PCDHA8: variants seen among roughly 807,000 people sequenced by gnomAD.
The protein encoded by PCDHA8 is protocadherin alpha-8.
PCDHA8 carries 53 observed loss-of-function variants against 61.8 expected under a neutral mutation model. The ratio of observed to expected loss-of-function variants is 0.86; its 90% CI spans 0.69 to 1.08. PCDHA8 has a LOEUF of 1.08. Among genes scored for constraint, PCDHA8 ranks in the 50% least tolerant of loss-of-function variants. The pLI is 0.00. For synonymous variants in PCDHA8, 618 were observed against 556.6 expected (o/e 1.11, Z -1.55); for missense variants, 1,293 against 1,245.0 (o/e 1.04, Z -0.58).
In PCDHA8 at chr5:140,848,578, G is replaced by A. The variant is rs148489343; in HGVS notation, c.2394+4863G>A. On this transcript the variant is annotated intron_variant, in intron 1 of 3. Transcript: ENST00000531613. ...ATCCTCGCAATGTGGGTGGTGGGGA[G>A]CGGCCAGCTCCACTACTCCGTCCCG... 4 of 1,595,522 alleles carry A rather than the reference G, an allele frequency of 2.5e-6. 1 individual carries two copies. In the African/African-American group the frequency reaches 4.0e-5, roughly 16 times the overall value.
intron 1 of PCDHA8, chr5:140,858,764 G>C: frequency 4.4e-6 from 2 of 451,976 alleles, no homozygotes; most frequent in Non-Finnish European, 8.0e-6. Context: ...ACAAATATTT[G>C]TGAGATTAGT....
intron 1 of PCDHA8, among the ~76,000 whole-genome samples, chr5:140,945,037 T>C (rs2093728945): frequency 6.6e-6 from 1 of 152,178 alleles, no homozygotes; most frequent in Non-Finnish European, 1.5e-5. Context: ...TAATTATCTT[T>C]GGTCTTATAT....
intron 1 of PCDHA8, chr5:140,969,045 C>G: frequency 1.2e-6 from 2 of 1,614,090 alleles, no homozygotes. Flanking sequence ...TACAAACAAG[C>G]CAACAACAAT....
At chr5:140,876,086 C>G (rs371336139) in intron 1 of PCDHA8, 7 of 1,613,778 alleles carry the variant, frequency 4.3e-6, no homozygotes, top group Non-Finnish European at 1.7e-6. Flanking sequence ...AGAGAGCAAA[C>G]GCCAAAACTC....
At chr5:140,882,864 C>G in intron 1 of PCDHA8, 2 of 1,614,200 alleles carry the variant, frequency 1.2e-6, no homozygotes, top group Non-Finnish European at 8.5e-7. Context: ...CTGAGGAAAA[C>G]ACTGGACAGA....
intron 1 of PCDHA8, chr5:140,851,731 T>C (rs1554145521): frequency 3.1e-6 from 3 of 971,456 alleles, no homozygotes; most frequent in African/African-American, 3.5e-5. Flanking sequence ...TCGAGTTCTT[T>C]TGAAATTCAG....
intron 1 of PCDHA8, among the ~76,000 whole-genome samples, chr5:140,962,829 C>CT (rs1342441888): frequency 6.6e-6 from 1 of 152,190 alleles, no homozygotes; most frequent in East Asian, 1.9e-4. Flanking sequence ...CCATTTGTCT[C>CT]TTTTTTATTA....
intron 1 of PCDHA8, chr5:140,882,203 T>C: frequency 6.5e-7 from 1 of 1,530,090 alleles, no homozygotes; most frequent in East Asian, 2.3e-5. Context: ...AATTGGGCCT[T>C]GAGAGACAGT....
chr5:140,868,771 A>G lies in PCDHA8; in HGVS notation c.2394+25056A>G, dbSNP rs986240016. 2.7e-4 allele frequency: 70 copies of G among 257,218 alleles called. No individual in the cohort carries two copies. In the Middle Eastern group the frequency reaches 5.2e-3, roughly 19 times the overall value. The allele number at this position is 257,218 out of a possible 1,614,324, so 15.9% of individuals were successfully genotyped here. ...ATTTCCATATATATTTAGTTTCAAT[A>G]TGACTTATAATCTGAATATTCCATA... is the stretch of plus-strand genomic sequence containing the variant. On this transcript the variant is annotated intron_variant, in intron 1 of 3. Coordinates refer to ENST00000531613, the MANE Select transcript of PCDHA8 (RefSeq NM_018911.3).
At chr5:140,966,502 G>C in intron 1 of PCDHA8, 1 of 433,894 alleles carries the variant, frequency 2.3e-6, no homozygotes, top group Non-Finnish European at 4.0e-6. Flanking sequence ...GAGCTGTAGC[G>C]GCAGCAGCAG....
At chr5:140,919,127 T>A (rs2079016296) in intron 1 of PCDHA8, among the ~76,000 whole-genome samples, 1 of 152,192 alleles carries the variant, frequency 6.6e-6, no homozygotes, top group East Asian at 1.9e-4. Flanking sequence ...TTGCTTCATG[T>A]GTTTTGGGGC....
chr5:140,851,897 C>T (rs1308914587), intron 1 of PCDHA8: 1 of 973,518 alleles, frequency 1.0e-6, no homozygotes, highest in African/African-American at 1.8e-5. Context: ...TGAGATTTGC[C>T]TCTTTAATGT....
At chr5:140,962,406 T>C (rs1272839882) in intron 1 of PCDHA8, among the ~76,000 whole-genome samples, 1 of 152,218 alleles carries the variant, frequency 6.6e-6, no homozygotes, top group African/African-American at 2.4e-5. Context: ...GCCCCAAACC[T>C]GTCTCTCCCT....
chr5:140,978,989 T>G lies in PCDHA8; in HGVS notation c.2435T>G (p.Leu812Arg). 1 of 1,614,212 alleles carries G rather than the reference T, an allele frequency of 6.2e-7. No individual in the cohort carries two copies. Among genetic ancestry groups the G allele is most frequent in the Non-Finnish European group, 8.5e-7 (1 of 1,180,034 alleles). Residue 812 changes from leucine to arginine, a missense_variant, in exon 2 of 4, where the codon CTG (leucine) becomes CGG (arginine). Transcript: ENST00000531613. Reference protein sequence around the residue: ...PNPDWRYSASLRAGMHSSVHL... With the variant: ...PNPDWRYSASRRAGMHSSVHL... ...CCTGACTGGCGTTACTCTGCCTCCC[T>G]GAGAGCAGGCATGCACAGGTATGTA...
chr5:140,969,803 T>G, intron 1 of PCDHA8, among the ~76,000 whole-genome samples: 1 of 152,248 alleles, frequency 6.6e-6, no homozygotes, highest in South Asian at 2.1e-4. Context: ...ATCTGCTGTC[T>G]CTGTTTATAC....
intron 1 of PCDHA8, among the ~76,000 whole-genome samples, chr5:140,940,086 A>G (rs373629874): frequency 6.6e-6 from 1 of 152,214 alleles, no homozygotes; most frequent in African/African-American, 2.4e-5. Flanking sequence ...TTTCTGCTAA[A>G]TTGAAACTTT....
chr5:140,916,956 C>T (rs1554197714), intron 1 of PCDHA8, among the ~76,000 whole-genome samples: 1 of 152,220 alleles, frequency 6.6e-6, no homozygotes, highest in Non-Finnish European at 1.5e-5. Flanking sequence ...TTGCTGAGTT[C>T]TGACTGCTGG....
At chr5:140,976,818 G>A (rs782290955) in intron 1 of PCDHA8, among the ~76,000 whole-genome samples, 5 of 152,208 alleles carry the variant, frequency 3.3e-5, no homozygotes, top group Admixed American at 6.5e-5. Flanking sequence ...ATATGCATGT[G>A]TCTAATGAGC....
intron 2 of PCDHA8, among the ~76,000 whole-genome samples, chr5:140,980,838 A>G (rs141603230): frequency 5.3e-5 from 8 of 152,320 alleles, no homozygotes; most frequent in African/African-American, 1.4e-4. Flanking sequence ...GTGAACCTAA[A>G]TAATACTAAT....
Sources: gnomAD v4.1 joint callset for allele counts (sites outside exome capture counted in the v4.1 genomes callset) on GRCh38, gnomAD v4.1.1 for gene constraint, MANE v1.5 for transcripts, NCBI Gene and HGNC (gene_info 2026-07-23, HGNC 2026-07-21) for gene names.